Variants in BMP6 observed in about 807,000 individuals in gnomAD.
BMP6 encodes the protein VG-1-R.
In BMP6, 17 loss-of-function variants were observed where a neutral mutation model predicts 54.1. The ratio of observed to expected loss-of-function variants is 0.31; its 90% CI spans 0.22 to 0.47. The LOEUF (loss-of-function observed/expected upper bound fraction) is 0.47. BMP6 is among the 20% of genes least tolerant of loss of function. The pLI is 1.00. For synonymous variants in BMP6, 328 were observed against 291.2 expected (o/e 1.13, Z -1.28); for missense variants, 720 against 690.4 (o/e 1.04, Z -0.48).
At chr6:7,746,760 T>C (rs1173189315) in intron 1 of BMP6, among the ~76,000 whole-genome samples, 4 of 152,146 alleles carry the variant, frequency 2.6e-5, no homozygotes, top group Non-Finnish European at 5.9e-5. Flanking sequence ...GAATTAGGAG[T>C]GTCATCTGCC....
At chr6:7,797,519 G>C (rs567709961) in intron 1 of BMP6, among the ~76,000 whole-genome samples, 25 of 152,312 alleles carry the variant, frequency 1.6e-4, no homozygotes, top group Non-Finnish European at 3.1e-4. Context: ...ATGTGAAATT[G>C]TGTTTGAGGT....
chr6:7,727,471 G>C lies in BMP6; in HGVS notation c.516G>C (p.Arg172=), dbSNP rs753022935. ...PHEAASSSQR[R]QPPPGAAHPL... ...AAGCAGCCAGCTCGTCCCAGCGTCGGCAGCCGCCCCCGGGCGCCGCGCACC... is the reference window on the plus strand; with the variant it reads ...AAGCAGCCAGCTCGTCCCAGCGTCGCCAGCCGCCCCCGGGCGCCGCGCACC... The change falls in exon 1 of 7, where the codon CGG becomes CGC. Residue 172 remains arginine (R), a synonymous_variant. Coordinates refer to ENST00000283147, the MANE Select transcript of BMP6 (RefSeq NM_001718.6). The C allele has an allele frequency of 6.3e-7, 1 of 1,595,644 alleles. No homozygotes were observed. Among genetic ancestry groups the C allele is most frequent in the South Asian group, 1.1e-5 (1 of 89,786 alleles).
At chr6:7,867,082 G>A (rs1384449384) in intron 4 of BMP6, among the ~76,000 whole-genome samples, 1 of 152,156 alleles carries the variant, frequency 6.6e-6, no homozygotes, top group Non-Finnish European at 1.5e-5. Flanking sequence ...ATGTTGGTCA[G>A]GCTGGTCTCA....
At chr6:7,782,870 A>G (rs1289328072) in intron 1 of BMP6, among the ~76,000 whole-genome samples, 1 of 152,146 alleles carries the variant, frequency 6.6e-6, no homozygotes, top group Non-Finnish European at 1.5e-5. Context: ...GTCAAGAGGA[A>G]AGGCAATTAA....
intron 1 of BMP6, among the ~76,000 whole-genome samples, chr6:7,802,754 A>G (rs146136504): frequency 6.6e-5 from 10 of 152,338 alleles, no homozygotes; most frequent in Middle Eastern, 3.4e-3. Flanking sequence ...TTGTCACCTG[A>G]CAGTGAAGGG....
At chr6:7,810,456 G>A (rs565238769) in intron 1 of BMP6, among the ~76,000 whole-genome samples, 2 of 152,248 alleles carry the variant, frequency 1.3e-5, no homozygotes, top group East Asian at 1.9e-4. Flanking sequence ...AGCCATGGTC[G>A]GTCTTTTCTT....
chr6:7,760,569 C>T (rs1224116623), intron 1 of BMP6, among the ~76,000 whole-genome samples: 6 of 152,058 alleles, frequency 3.9e-5, no homozygotes, highest in African/African-American at 1.4e-4. Context: ...CGGGTTCCAG[C>T]AATTCTCCCT....
intron 4 of BMP6, among the ~76,000 whole-genome samples, chr6:7,863,687 G>A (rs1759372502): frequency 6.6e-6 from 1 of 152,148 alleles, no homozygotes; most frequent in African/African-American, 2.4e-5. Context: ...AGAGAAACCA[G>A]CTCTGCTACC....
chr6:7,807,913 C>CTTTTTTTTTTTTTTTTTTT (rs755894743), intron 1 of BMP6, among the ~76,000 whole-genome samples: 1 of 81,502 alleles, frequency 1.2e-5, no homozygotes, highest in East Asian at 3.8e-4. Context: ...GAAGTCTTTA[C>CTTTTTTTTTTTTTTTTTTT]TTTTTTTTTT....
intron 1 of BMP6, among the ~76,000 whole-genome samples, chr6:7,766,976 A>T (rs1363182937): frequency 1.4e-5 from 2 of 139,120 alleles, no homozygotes; most frequent in South Asian, 2.3e-4. Flanking sequence ...TTATTTTTTT[A>T]AATGATAGTT....
intron 1 of BMP6, among the ~76,000 whole-genome samples, chr6:7,774,283 C>A (rs1757830796): frequency 6.6e-6 from 1 of 152,212 alleles, no homozygotes; most frequent in African/African-American, 2.4e-5. Flanking sequence ...GCTGTGGTGG[C>A]TCACGCCGGT....
At chr6:7,876,158 G>T (rs72829225) in intron 4 of BMP6, among the ~76,000 whole-genome samples, 11,837 of 152,130 alleles carry the variant, frequency 0.078, 618 homozygotes, top group East Asian at 0.12. Context: ...CACTACAGCT[G>T]GGTATGGCAT....
At chr6:7,819,454 T>A (rs1758575407) in intron 1 of BMP6, among the ~76,000 whole-genome samples, 1 of 152,198 alleles carries the variant, frequency 6.6e-6, no homozygotes, top group Admixed American at 6.5e-5. Flanking sequence ...TATTTTTTTT[T>A]ACTATCAGAT....
At chr6:7,834,879 AG>A (rs1758849388) in intron 1 of BMP6, among the ~76,000 whole-genome samples, 1 of 152,218 alleles carries the variant, frequency 6.6e-6, no homozygotes, top group African/African-American at 2.4e-5. Context: ...TCATTTTTGA[AG>A]GAAACTCTAA....
intron 1 of BMP6, among the ~76,000 whole-genome samples, chr6:7,790,902 A>G (rs970525857): frequency 1.6e-4 from 24 of 151,994 alleles, no homozygotes; most frequent in African/African-American, 4.6e-4. Context: ...AAATCCACTT[A>G]TCTCCCTTTC....
At chr6:7,858,926 ACAGT>A (rs1316703346) in intron 2 of BMP6, among the ~76,000 whole-genome samples, 1 of 151,862 alleles carries the variant, frequency 6.6e-6, no homozygotes, top group Non-Finnish European at 1.5e-5. Flanking sequence ...AGCAGTGAGA[ACAGT>A]CAGTGTTCTC....
At chr6:7,859,456 G>A (rs1759300991) in intron 2 of BMP6, among the ~76,000 whole-genome samples, 1 of 152,014 alleles carries the variant, frequency 6.6e-6, no homozygotes, top group Non-Finnish European at 1.5e-5. Flanking sequence ...ACTGGGTCTT[G>A]GTGCTAGAGA....
intron 1 of BMP6, among the ~76,000 whole-genome samples, chr6:7,739,469 CTTA>C (rs940784535): frequency 6.6e-6 from 1 of 152,142 alleles, no homozygotes; most frequent in African/African-American, 2.4e-5. Flanking sequence ...GCTGATGTCA[CTTA>C]TTATCCTATT....
chr6:7,845,224 T>C lies in BMP6; in HGVS notation c.749T>C (p.Val250Ala), dbSNP rs758076915. 2.5e-6 allele frequency: 4 copies of C among 1,613,968 alleles called. No homozygotes were observed. The highest frequency in any genetic ancestry group is 3.4e-6 in the Non-Finnish European group (4 of 1,179,986). Residue 250 changes from valine (V) to alanine (A), a missense_variant, in exon 2 of 7, where the codon GTG (valine) becomes GCG (alanine). Around this residue, in one of 3 missense-constraint regions of BMP6, gnomAD observed 650 missense variants for 556.3 expected, o/e 1.17. Coordinates refer to ENST00000283147, the MANE Select transcript of BMP6 (RefSeq NM_001718.6). ...FNLSQIPEGEVVTAAEFRIYK... is the reference protein window; with the variant it reads ...FNLSQIPEGEAVTAAEFRIYK... The stretch of plus-strand genomic sequence containing the variant: ...TTATCCCAGATTCCTGAGGGTGAGG[T>C]GGTGACGGCTGCAGAATTCCGCATC...
Sources: gnomAD v4.1 joint callset for allele counts (sites outside exome capture counted in the v4.1 genomes callset) on GRCh38, gnomAD v4.1.1 for gene constraint, gnomAD v4.1.1 regional missense constraint, MANE v1.5 for transcripts, NCBI Gene and HGNC (gene_info 2026-07-23, HGNC 2026-07-21) for gene names.